FBXO43: variants seen among roughly 807,000 people sequenced by gnomAD.
The protein encoded by FBXO43 is F-box protein 43, also known as F-box only protein 43.
In FBXO43, 22 loss-of-function variants were observed where a neutral mutation model predicts 56.7. That is an observed-to-expected ratio of 0.39 (90% CI 0.28 to 0.55). The LOEUF (loss-of-function observed/expected upper bound fraction) is 0.55. Ranked by LOEUF, FBXO43 falls within the 20% of genes least tolerant of loss-of-function variation. FBXO43 has a pLI of 0.66. For missense variants in FBXO43, 733 were observed against 814.9 expected, an observed-to-expected ratio of 0.90 and a Z score of 1.22; for synonymous variants, 306 against 294.5, an observed-to-expected ratio of 1.04 and a Z score of -0.40.
At position 100,141,846 on chromosome 8, in the gene FBXO43, A is replaced by G; in HGVS notation, c.408T>C (p.Asp136=). 6.3e-7 allele frequency: 1 copy of G among 1,591,142 alleles called. No individual in the cohort carries two copies. Among genetic ancestry groups the G allele is most frequent in the Admixed American group, 1.9e-5 (1 of 53,560 alleles). ...KKCILPRKEK[D]KTPELCETPK... ...GTGTTTCACAAAGTTCTGGGGTTTT[A>G]TCCTTTTCCTTTCTAGGCAAGATAC... is the stretch of plus-strand genomic sequence containing the variant. Residue 136 remains aspartate, a synonymous_variant, in exon 2 of 5, where the codon GAT becomes GAC. Transcript: ENST00000428847.
chr8:100,142,597 T>C (rs896580710), intron 1 of FBXO43, among the ~76,000 whole-genome samples: 4 of 97,070 alleles, frequency 4.1e-5, no homozygotes, highest in Admixed American at 3.6e-4. Flanking sequence ...TATATGCTAC[T>C]TTTTAAACAC....
Position 100,142,001 on chromosome 8 carries a change from T to G in FBXO43, c.253A>C (p.Ser85Arg). 1.2e-6 allele frequency: 2 copies of G among 1,612,796 alleles called. No individual in the cohort carries two copies. The highest frequency in any genetic ancestry group is 1.1e-5 in the South Asian group (1 of 90,612). The change falls in exon 2 of 5, where the codon AGC (serine) becomes CGC (arginine). Residue 85 changes from serine (S) to arginine (R), a missense_variant. Coordinates refer to ENST00000428847, the MANE Select transcript of FBXO43 (RefSeq NM_001029860.4). ...DSGYNELKSC[S>R]FDNIDKEYLG... ...TATTCTTTATCTATATTATCAAAGC[T>G]ACAAGATTTTAACTCATTGTAGCCA...
At chr8:100,146,077 T>C (rs1814826304), upstream of FBXO43, among the ~76,000 whole-genome samples, 1 of 152,236 alleles carries the variant, frequency 6.6e-6, no homozygotes, top group Non-Finnish European at 1.5e-5. Flanking sequence ...GGGATGCCAT[T>C]AGAAATCATG....
At chr8:100,144,942 A>AT in intron 1 of FBXO43, 109 bp downstream of exon 1, 1 of 1,290,698 alleles carries the variant, frequency 7.7e-7, no homozygotes, top group East Asian at 2.8e-5. Context: ...AAAAAAAAAA[A>AT]GAAAGAAAAA....
upstream of FBXO43, among the ~76,000 whole-genome samples, chr8:100,146,176 GAT>G (rs1228450600): frequency 1.3e-5 from 2 of 152,206 alleles, no homozygotes; most frequent in African/African-American, 4.8e-5. Flanking sequence ...TAAAAATATG[GAT>G]ATACACAGGA....
At position 100,141,630 on chromosome 8, in the gene FBXO43, A is replaced by G. The variant is rs1341215052; in HGVS notation, c.624T>C (p.Thr208=). Residue 208 remains threonine, a synonymous_variant, in exon 2 of 5, where the codon ACT becomes ACC. Coordinates refer to ENST00000428847, the MANE Select transcript of FBXO43 (RefSeq NM_001029860.4). ...TCACTTCTTCTGTTTTTAAAGTGCT[A>G]GTAACTAAAGGGCTAAAATTATTTG... The part of the protein sequence containing the change: ...SRANNFSPLV[T]STLKTEEVTS... 1 of 1,613,284 alleles carries G rather than the reference A, an allele frequency of 6.2e-7. No individual in the cohort carries two copies. The highest frequency in any genetic ancestry group is 8.5e-7 in the Non-Finnish European group (1 of 1,179,826).
rs1273138049 is a variant in FBXO43, at chr8:100,133,421, AG to A, written c.*380del. On this transcript the variant is annotated 3_prime_UTR_variant, in exon 5 of 5. Coordinates refer to ENST00000428847, the MANE Select transcript of FBXO43 (RefSeq NM_001029860.4). ...CAAGTACTCATTTTCCAAATCTATA[AG>A]GCCATCTGTCTAGAGTTCAAAATCT... The A allele has an allele frequency of 6.5e-6, 1 of 153,802 alleles. No individual in the cohort carries two copies. Among genetic ancestry groups the A allele is most frequent in the Admixed American group, 6.5e-5 (1 of 15,348 alleles). The allele number at this position is 153,802 out of a possible 1,614,324, so 9.5% of individuals were successfully genotyped here. A position where few individuals can be genotyped will look rare whatever the true frequency, so the allele number is the denominator to read the frequency against.
In FBXO43 at chr8:100,133,782, G is replaced by T. The variant is rs903013737; in HGVS notation, c.*20C>A. On this transcript the variant is annotated 3_prime_UTR_variant, in exon 5 of 5. Coordinates refer to ENST00000428847, the MANE Select transcript of FBXO43 (RefSeq NM_001029860.4). ...CAGATAAATAGAACACTGCATGGGGGAGTTCTATATTTAGTCTCTTCAGAG... is the reference window on the plus strand; with the variant it reads ...CAGATAAATAGAACACTGCATGGGGTAGTTCTATATTTAGTCTCTTCAGAG... The T allele has an allele frequency of 6.2e-7, 1 of 1,603,420 alleles. No homozygotes were observed. Among genetic ancestry groups the T allele is most frequent in the Non-Finnish European group, 8.5e-7 (1 of 1,175,470 alleles).
upstream of FBXO43, among the ~76,000 whole-genome samples, chr8:100,147,246 T>C (rs1300547741): frequency 6.6e-6 from 1 of 152,170 alleles, no homozygotes; most frequent in East Asian, 1.9e-4. Context: ...AAGGAGCTCA[T>C]TGGTATAGAG....
At chr8:100,146,840 A>G (rs565371654), upstream of FBXO43, among the ~76,000 whole-genome samples, 6 of 152,198 alleles carry the variant, frequency 3.9e-5, no homozygotes, top group Admixed American at 1.3e-4. Context: ...TCAGTCATCC[A>G]AAACCAAACT....
In FBXO43 at chr8:100,134,358, CA is replaced by C; in HGVS notation, c.1680del (p.Val561TyrfsTer2). 6.2e-7 allele frequency: 1 copy of C among 1,613,184 alleles called. No individual in the cohort carries two copies. Among genetic ancestry groups the C allele is most frequent in the Non-Finnish European group, 8.5e-7 (1 of 1,179,914 alleles). On this transcript the variant is annotated frameshift_variant, in exon 4 of 5. Coordinates refer to ENST00000428847, the MANE Select transcript of FBXO43 (RefSeq NM_001029860.4). LOFTEE classifies it high-confidence loss of function. ...GTGGCAGCATCCTCGACATTTAATA[CA>C]GCCCCCTGTGGTAAAGGACAAGAGG... ...ITQLKTDSEG[A>X]VLNVEDAATR...
chr8:100,147,748 G>A (rs1814858996), upstream of FBXO43, among the ~76,000 whole-genome samples: 1 of 152,214 alleles, frequency 6.6e-6, no homozygotes, highest in Non-Finnish European at 1.5e-5. Context: ...AGAATCAACT[G>A]CATGGGGCAA....
intron 3 of FBXO43, among the ~76,000 whole-genome samples, chr8:100,135,926 T>C (rs1248256864): frequency 1.3e-5 from 2 of 151,650 alleles, no homozygotes; most frequent in Non-Finnish European, 2.9e-5. Context: ...CTATTTCTTT[T>C]CTTTTTTTTT....
In FBXO43 at chr8:100,141,642, G is replaced by A. The variant is rs777284382; in HGVS notation, c.612C>T (p.Ser204=). The change falls in exon 2 of 5, where the codon AGC becomes AGT. Residue 204 remains serine (S), a synonymous_variant. Coordinates refer to ENST00000428847, the MANE Select transcript of FBXO43 (RefSeq NM_001029860.4). ...TTTTTAAAGTGCTAGTAACTAAAGG[G>A]CTAAAATTATTTGCCCTGGAAAAAC... ...ASGFSRANNF[S]PLVTSTLKTE... is the part of the protein sequence containing the mutation. 6.2e-7 allele frequency: 1 copy of A among 1,612,990 alleles called. No individual in the cohort carries two copies. Among genetic ancestry groups the A allele is most frequent in the Admixed American group, 1.7e-5 (1 of 59,990 alleles).
chr8:100,141,005 T>C lies in FBXO43; in HGVS notation c.1249A>G (p.Ile417Val). The stretch of plus-strand genomic sequence containing the variant: ...TCACTACTCAGCTGACCCTCTGAGA[T>C]GGCAGAAGCAGCTGCTGCTCTTTTT... ...SEKRAAAASA[I>V]SEGQLSSDES... is the part of the protein sequence containing the mutation. The change falls in exon 2 of 5, where the codon ATC becomes GTC. Residue 417 changes from isoleucine to valine, a missense_variant. By Grantham distance (29) the Ile-to-Val change is conservative. Transcript: ENST00000428847. 3 of 1,614,266 alleles carry C rather than the reference T, an allele frequency of 1.9e-6. No homozygotes were observed. Among genetic ancestry groups the C allele is most frequent in the Non-Finnish European group, 2.5e-6 (3 of 1,180,042 alleles).
At chr8:100,142,193 CTG>C in intron 1 of FBXO43, 25 bp from the exon 2 acceptor site, 1 of 1,516,632 alleles carries the variant, frequency 6.6e-7, no homozygotes, top group Non-Finnish European at 8.8e-7. Context: ...CAAAGTTATT[CTG>C]CCTTTGAAAT....
intron 1 of FBXO43, among the ~76,000 whole-genome samples, chr8:100,144,238 C>A (rs929657919): frequency 6.6e-6 from 1 of 152,140 alleles, no homozygotes; most frequent in Middle Eastern, 3.4e-3. Context: ...TCTATTCTGG[C>A]CGGTGGCTCA....
chr8:100,136,996 A>G (rs1297620718), intron 3 of FBXO43: 2 of 152,314 alleles, frequency 1.3e-5, no homozygotes, highest in Non-Finnish European at 2.9e-5. Context: ...TATCATTGGT[A>G]TTCAAATGCT....
At chr8:100,149,044 C>G (rs1814875930), upstream of FBXO43, among the ~76,000 whole-genome samples, 1 of 152,186 alleles carries the variant, frequency 6.6e-6, no homozygotes, top group Non-Finnish European at 1.5e-5. Context: ...GCATGTAGTA[C>G]ATGCTCAGAA....
Sources: allele counts gnomAD v4.1 joint callset (sites outside exome capture counted in the v4.1 genomes callset), GRCh38; gene constraint gnomAD v4.1.1; transcripts MANE v1.5; gene names NCBI Gene and HGNC (gene_info 2026-07-23, HGNC 2026-07-21).